SEPTIN7: variants seen among roughly 807,000 people sequenced by gnomAD.
SEPTIN7 encodes the protein septin 7.
In SEPTIN7, 10 loss-of-function variants were observed where a neutral mutation model predicts 63.3. The ratio of observed to expected loss-of-function variants is 0.16; its 90% CI spans 0.10 to 0.27. SEPTIN7 has a LOEUF of 0.27. SEPTIN7 is among the 10% of genes least tolerant of loss of function. The probability of loss-of-function intolerance (pLI) is 1.00; values close to 1 mark genes in which losing one functional copy is unlikely to be tolerated. For missense variants in SEPTIN7, 310 were observed against 521.0 expected, an observed-to-expected ratio of 0.59 and a Z score of 3.94; for synonymous variants, 131 against 165.3, an observed-to-expected ratio of 0.79 and a Z score of 1.59.
At chr7:35,870,823 TAAA>T (rs34827594) in intron 4 of SEPTIN7, among the ~76,000 whole-genome samples, 1,850 of 114,610 alleles carry the variant, frequency 0.016, 37 homozygotes, top group East Asian at 0.083. Flanking sequence ...AGACCCTGAC[TAAA>T]AAAAAAAAAA....
intron 1 of SEPTIN7, among the ~76,000 whole-genome samples, chr7:35,807,335 C>T (rs1450441891): frequency 2.0e-5 from 3 of 148,130 alleles, no homozygotes; most frequent in Non-Finnish European, 4.4e-5. Context: ...AGGCATGTGC[C>T]ACCATGCCCG....
Position 35,863,541 on chromosome 7 carries a change from A to T in SEPTIN7, c.170-11A>T. ...GTGAGTTTAACAGATATTTTCCCTTATTTCTTTTAGGTGAATCTGGATTGG... is the reference window on the plus strand; with the variant it reads ...GTGAGTTTAACAGATATTTTCCCTTTTTTCTTTTAGGTGAATCTGGATTGG... On this transcript the variant is annotated splice_polypyrimidine_tract_variant and intron_variant, in intron 3 of 13. Transcript: ENST00000350320. The T allele has an allele frequency of 6.6e-7, 1 of 1,517,204 alleles. No homozygotes were observed. The highest frequency in any genetic ancestry group is 9.0e-7 in the Non-Finnish European group (1 of 1,111,630). 94.0% of individuals were successfully genotyped at this position (1,517,204 alleles called of 1,614,324 possible). A position where few individuals can be genotyped will look rare whatever the true frequency, so the allele number is the denominator to read the frequency against.
chr7:35,802,878 G>T (rs1788087104), intron 1 of SEPTIN7, among the ~76,000 whole-genome samples: 2 of 152,164 alleles, frequency 1.3e-5, no homozygotes. Flanking sequence ...CTGTTCAGTG[G>T]GTGGGACTAA....
At chr7:35,886,503 A>G (rs1290233307) in intron 10 of SEPTIN7, among the ~76,000 whole-genome samples, 1 of 152,178 alleles carries the variant, frequency 6.6e-6, no homozygotes, top group East Asian at 1.9e-4. Context: ...AAAAAGTGTA[A>G]TAGGACTAGA....
intron 1 of SEPTIN7, among the ~76,000 whole-genome samples, chr7:35,814,790 A>C (rs1788942397): frequency 6.6e-6 from 1 of 152,090 alleles, no homozygotes; most frequent in African/African-American, 2.4e-5. Context: ...CCTGGCTAAC[A>C]CGGTGAAACC....
intron 3 of SEPTIN7, among the ~76,000 whole-genome samples, chr7:35,858,236 C>T (rs1486692849): frequency 3.3e-5 from 5 of 152,200 alleles, no homozygotes; most frequent in Admixed American, 6.5e-5. Context: ...TTAGCCACCA[C>T]GCCCAACCCC....
intron 3 of SEPTIN7, among the ~76,000 whole-genome samples, chr7:35,854,446 G>T (rs1392969618): frequency 1.3e-5 from 2 of 152,184 alleles, no homozygotes; most frequent in African/African-American, 2.4e-5. Flanking sequence ...ATGCTAACTG[G>T]CTTCTAATGG....
At chr7:35,884,469 G>C (rs1285737404) in intron 9 of SEPTIN7, among the ~76,000 whole-genome samples, 3 of 152,122 alleles carry the variant, frequency 2.0e-5, no homozygotes, top group Admixed American at 2.0e-4. Flanking sequence ...CTGGCATCCT[G>C]CCTCATCATT....
intron 3 of SEPTIN7, among the ~76,000 whole-genome samples, chr7:35,855,188 TTTCCCTATCACTGAATA>T (rs1785147046): frequency 6.6e-6 from 1 of 152,192 alleles, no homozygotes; most frequent in South Asian, 2.1e-4. Context: ...GTGAATGTGT[TTTCCCTATCACTGAATA>T]TACTGTGTGT....
At chr7:35,872,896 G>GT (rs1786242258) in intron 5 of SEPTIN7, 130 bp downstream of exon 5, 1 of 632,218 alleles carries the variant, frequency 1.6e-6, no homozygotes, top group South Asian at 2.0e-5. Context: ...CATGACTTGG[G>GT]TTTGTATACC....
intron 1 of SEPTIN7, among the ~76,000 whole-genome samples, chr7:35,814,979 A>C (rs1788960227): frequency 6.7e-6 from 1 of 150,240 alleles, no homozygotes; most frequent in Non-Finnish European, 1.5e-5. Flanking sequence ...CTTCTCAAAA[A>C]AAAAAAAAAA....
chr7:35,809,715 TGAGGTTAGAA>T (rs1788574217), intron 1 of SEPTIN7, among the ~76,000 whole-genome samples: 1 of 152,186 alleles, frequency 6.6e-6, no homozygotes, highest in Non-Finnish European at 1.5e-5. Context: ...TATCAGGTTA[TGAGGTTAGAA>T]GAGGTAAGTA....
chr7:35,820,423 G>C (rs1789344295), intron 1 of SEPTIN7, among the ~76,000 whole-genome samples: 1 of 151,780 alleles, frequency 6.6e-6, no homozygotes, highest in Non-Finnish European at 1.5e-5. Context: ...CTCTGGCTCT[G>C]TTCATTTTTC....
chr7:35,872,563 T>A (rs1170254771), intron 4 of SEPTIN7, 103 bp from the exon 5 acceptor site: 5 of 774,302 alleles, frequency 6.5e-6, no homozygotes, highest in Non-Finnish European at 1.1e-5. Flanking sequence ...GCTAACAGTT[T>A]CCCAGTTGGT....
At chr7:35,801,329 T>C in intron 1 of SEPTIN7, 59 bp downstream of exon 1, 1 of 1,509,990 alleles carries the variant, frequency 6.6e-7, no homozygotes, top group Admixed American at 2.2e-5. Flanking sequence ...GCCGGGAAGC[T>C]CTGCGGCCGC....
chr7:35,913,354 G>A, the SEPTIN7 span, among the ~76,000 whole-genome samples: 91 of 152,184 alleles, frequency 6.0e-4, no homozygotes, highest in African/African-American at 2.0e-3. Context: ...ACATCAGGCC[G>A]GCCCTCTTCC....
At chr7:35,888,774 C>T (rs531284230) in intron 10 of SEPTIN7, 15 of 256,186 alleles carry the variant, frequency 5.9e-5, no homozygotes, top group East Asian at 5.3e-4. Flanking sequence ...GAGCTGAGAT[C>T]GTACCACTGC....
At chr7:35,821,842 G>A (rs559949740) in intron 1 of SEPTIN7, among the ~76,000 whole-genome samples, 4 of 151,770 alleles carry the variant, frequency 2.6e-5, no homozygotes, top group Non-Finnish European at 5.9e-5. Flanking sequence ...GCAGTGGCAC[G>A]ATCTTAGCTC....
chr7:35,801,158 G>C lies in SEPTIN7; in HGVS notation c.-52G>C, dbSNP rs1208695671. ...TGCGGAATCGGCGTAGGCGCCTTTGGAGAATCGGCGGGCTGCGCTCCGCTG... is the reference window on the plus strand; with the variant it reads ...TGCGGAATCGGCGTAGGCGCCTTTGCAGAATCGGCGGGCTGCGCTCCGCTG... On this transcript the variant is annotated 5_prime_UTR_variant, in exon 1 of 14. Transcript: ENST00000350320. 2.1e-6 allele frequency: 3 copies of C among 1,440,812 alleles called. No homozygotes were observed. The highest frequency in any genetic ancestry group is 1.8e-6 in the Non-Finnish European group (2 of 1,084,398). 89.3% of individuals were successfully genotyped at this position (1,440,812 alleles called of 1,614,324 possible).
Sources: allele counts gnomAD v4.1 joint callset (sites outside exome capture counted in the v4.1 genomes callset), GRCh38; gene constraint gnomAD v4.1.1; transcripts MANE v1.5; gene names NCBI Gene and HGNC (gene_info 2026-07-23, HGNC 2026-07-21).